Variants in SMG7 observed in about 807,000 individuals in gnomAD.
The protein encoded by SMG7 is SMG7 nonsense mediated mRNA decay factor, also known as nonsense-mediated mRNA decay factor SMG7.
Under a neutral mutation model 148.2 loss-of-function variants are expected in SMG7, and 34 were observed. The observed-to-expected ratio is 0.23, with a 90% CI of 0.17 to 0.31. The LOEUF (loss-of-function observed/expected upper bound fraction) is 0.31. SMG7 is among the 10% of genes least tolerant of loss of function. The probability of loss-of-function intolerance (pLI) is 1.00; values close to 1 mark genes in which losing one functional copy is unlikely to be tolerated. For missense variants in SMG7, 1,114 were observed against 1,408.4 expected (o/e 0.79, Z 3.35); for synonymous variants, 492 against 515.1 (o/e 0.96, Z 0.61).
chr1:183,529,910 T>C (rs553114932), intron 8 of SMG7, among the ~76,000 whole-genome samples: 7 of 152,290 alleles, frequency 4.6e-5, no homozygotes, highest in African/African-American at 1.4e-4. Flanking sequence ...ATTATTTTTA[T>C]TGTGCTTGCA....
intron 1 of SMG7, among the ~76,000 whole-genome samples, chr1:183,503,563 G>A (rs1409167690): frequency 6.6e-6 from 1 of 152,088 alleles, no homozygotes; most frequent in Admixed American, 6.6e-5. Flanking sequence ...GAGGACATAG[G>A]GTTTTTTACT....
At chr1:183,522,424 T>C (rs373306651) in intron 4 of SMG7, among the ~76,000 whole-genome samples, 1 of 152,164 alleles carries the variant, frequency 6.6e-6, no homozygotes, top group African/African-American at 2.4e-5. Context: ...CCCTGTTGAG[T>C]GCTGCTGAGA....
At chr1:183,502,488 C>T (rs958448606) in intron 1 of SMG7, 25 of 1,009,518 alleles carry the variant, frequency 2.5e-5, no homozygotes, top group African/African-American at 3.3e-5. Context: ...TTAGAAACTT[C>T]CTGAAACATT....
intron 1 of SMG7, among the ~76,000 whole-genome samples, chr1:183,497,070 A>T (rs573243562): frequency 3.3e-5 from 5 of 152,054 alleles, no homozygotes; most frequent in African/African-American, 9.7e-5. Flanking sequence ...TGATATCTGT[A>T]CTCCCACTTT....
At chr1:183,494,891 G>T (rs1302167560) in intron 1 of SMG7, among the ~76,000 whole-genome samples, 1 of 149,602 alleles carries the variant, frequency 6.7e-6, no homozygotes, top group Non-Finnish European at 1.5e-5. Flanking sequence ...GTGCAGTGGT[G>T]CAATCTCGGC....
intron 10 of SMG7, among the ~76,000 whole-genome samples, chr1:183,536,545 T>C (rs1011585506): frequency 6.6e-6 from 1 of 152,148 alleles, no homozygotes; most frequent in Non-Finnish European, 1.5e-5. Context: ...CAAATACATA[T>C]ATAGTACGTA....
intron 1 of SMG7, among the ~76,000 whole-genome samples, chr1:183,492,750 CTGT>C (rs1182170794): frequency 2.0e-5 from 3 of 151,966 alleles, no homozygotes; most frequent in African/African-American, 4.8e-5. Context: ...ATTTAATATG[CTGT>C]TCTTTTTTTT....
At chr1:183,550,220 T>C (rs1341159494) in intron 20 of SMG7, 1 of 286,700 alleles carries the variant, frequency 3.5e-6, no homozygotes, top group East Asian at 7.1e-5. Flanking sequence ...TTGTAGGTGT[T>C]CATTCTTTGC....
At chr1:183,502,511 A>C (rs1394137373) in intron 1 of SMG7, 1 of 758,232 alleles carries the variant, frequency 1.3e-6, no homozygotes, top group Non-Finnish European at 1.9e-6. Flanking sequence ...ATTTTGGCCA[A>C]GATCGGGATG....
chr1:183,516,005 A>G lies in SMG7; in HGVS notation c.179+14A>G, dbSNP rs528284074. On this transcript the variant is annotated intron_variant, in intron 3 of 22. Transcript: ENST00000688051. ...AGAACAGGATCTGTAAGTATTACCT[A>G]TCATTTGAGAAGTCCCTGTAAGATC... The G allele has an allele frequency of 7.5e-6, 11 of 1,466,952 alleles. No homozygotes were observed. In the East Asian group the frequency reaches 1.4e-4, roughly 18 times the overall value. The allele number at this position is 1,466,952 out of a possible 1,614,324, so 90.9% of individuals were successfully genotyped here.
At chr1:183,524,086 T>C (rs147971350) in intron 4 of SMG7, among the ~76,000 whole-genome samples, 367 of 152,080 alleles carry the variant, frequency 2.4e-3, no homozygotes, top group African/African-American at 8.6e-3. Flanking sequence ...TATTTTATTT[T>C]ATTTATTCAT....
chr1:183,547,153 T>C lies in SMG7; in HGVS notation c.2793T>C (p.Ala931=). Residue 931 remains alanine, a synonymous_variant, in exon 18 of 23, where the codon GCT becomes GCC. Coordinates refer to ENST00000688051, the MANE Select transcript of SMG7 (RefSeq NM_001375584.1). ...CTCCGGACCTGTTAAAGAGTCTGGC[T>C]GCCTTGGAGGAAGAGGAAGAGCTGA... ...LLPPDLLKSL[A]ALEEEEELIF... 6.4e-7 allele frequency: 1 copy of C among 1,550,522 alleles called. No individual in the cohort carries two copies. Among genetic ancestry groups the C allele is most frequent in the Non-Finnish European group, 8.7e-7 (1 of 1,146,906 alleles).
At chr1:183,488,404 A>G (rs1225504020) in intron 1 of SMG7, among the ~76,000 whole-genome samples, 18 of 152,202 alleles carry the variant, frequency 1.2e-4, no homozygotes, top group Non-Finnish European at 1.5e-5. Flanking sequence ...TGATAGAGGA[A>G]GGTGGGAAGG....
At chr1:183,497,244 A>G (rs974629193) in intron 1 of SMG7, among the ~76,000 whole-genome samples, 5 of 152,220 alleles carry the variant, frequency 3.3e-5, no homozygotes, top group Non-Finnish European at 7.3e-5. Context: ...AACTTCGCTC[A>G]AATGTCTGGG....
intron 1 of SMG7, among the ~76,000 whole-genome samples, chr1:183,492,419 A>G (rs1657285858): frequency 6.6e-6 from 1 of 152,210 alleles, no homozygotes; most frequent in Non-Finnish European, 1.5e-5. Context: ...ATTTCTCTGC[A>G]TGTCTTTCCT....
chr1:183,530,584 C>G (rs1666681465), intron 8 of SMG7, among the ~76,000 whole-genome samples: 1 of 152,102 alleles, frequency 6.6e-6, no homozygotes, highest in Admixed American at 6.5e-5. Flanking sequence ...AAATAGTTTT[C>G]ATAGTAAGTA....
At chr1:183,502,392 G>T in intron 1 of SMG7, 1 of 1,532,054 alleles carries the variant, frequency 6.5e-7, no homozygotes, top group South Asian at 1.2e-5. Context: ...GTAATATTAG[G>T]TAGGATGAAA....
At position 183,537,138 on chromosome 1, in the gene SMG7, T is replaced by C. The variant is rs1309531196; in HGVS notation, c.1164-7T>C. The C allele has an allele frequency of 3.1e-6, 5 of 1,607,430 alleles. No individual in the cohort carries two copies. The South Asian group carries it at 5.5e-5, about 18-fold the overall frequency. ...AATAAAGTCTGAACTCTTTCTTTAA[T>C]TTACAGCATTTGGCCCTGGTTGATT... is the stretch of plus-strand genomic sequence containing the variant. On this transcript the variant is annotated splice_polypyrimidine_tract_variant and splice_region_variant and intron_variant, in intron 10 of 22. Transcript: ENST00000688051.
At position 183,478,253 on chromosome 1, in the gene SMG7, C is replaced by T. The variant is rs1372587668; in HGVS notation, c.29+5604C>T. ...TTTTAGTCCATGTGGTCCACGAAGT[C>T]TTCTTCACCTGCCCCATCCCCTTCC... On this transcript the variant is annotated intron_variant, in intron 1 of 22. Coordinates refer to ENST00000688051, the MANE Select transcript of SMG7 (RefSeq NM_001375584.1). Among the ~76,000 whole-genome samples the T allele has an allele frequency of 2.6e-5, 4 of 152,128 alleles. No individual in the cohort carries two copies. In the East Asian group the frequency reaches 7.7e-4, roughly 29 times the overall value.
Sources: allele counts gnomAD v4.1 joint callset (sites outside exome capture counted in the v4.1 genomes callset), GRCh38; gene constraint gnomAD v4.1.1; transcripts MANE v1.5; gene names NCBI Gene and HGNC (gene_info 2026-07-23, HGNC 2026-07-21).